ZNF536: variants seen among roughly 807,000 people sequenced by gnomAD.
ZNF536 encodes zinc finger protein 536.
A neutral mutation model predicts 84.5 loss-of-function variants in ZNF536; 13 were observed. That is an observed-to-expected ratio of 0.15 (90% CI 0.10 to 0.24). The LOEUF (loss-of-function observed/expected upper bound fraction) is 0.24, where lower values mean the gene tolerates loss of function less well. Ranked by LOEUF, ZNF536 falls within the 10% of genes least tolerant of loss-of-function variation. ZNF536 has a pLI of 1.00. For synonymous variants in ZNF536, 811 were observed against 742.5 expected, an observed-to-expected ratio of 1.09 and a Z score of -1.50; for missense variants, 1,536 against 1,747.5, an observed-to-expected ratio of 0.88 and a Z score of 2.16.
intron 1 of ZNF536, among the ~76,000 whole-genome samples, chr19:30,383,933 CCCTT>C (rs2049181488): frequency 4.4e-5 from 2 of 45,026 alleles, no homozygotes; most frequent in Non-Finnish European, 8.7e-5. Flanking sequence ...CCCTTCCCTT[CCCTT>C]CCCTCCCCTC....
At chr19:30,253,858 G>C (rs1453495817) in intron 1 of ZNF536, among the ~76,000 whole-genome samples, 1 of 152,110 alleles carries the variant, frequency 6.6e-6, no homozygotes. Flanking sequence ...AACAAGCGTC[G>C]CAAATAAAAG....
intron 2 of ZNF536, among the ~76,000 whole-genome samples, chr19:30,447,517 G>A (rs914739403): frequency 8.5e-5 from 13 of 152,158 alleles, no homozygotes; most frequent in Admixed American, 2.6e-4. Context: ...GATTTATTAC[G>A]GATGAGACAC....
chr19:30,685,011 T>A (rs924370070), intron 1 of ZNF536, among the ~76,000 whole-genome samples: 1 of 152,190 alleles, frequency 6.6e-6, no homozygotes, highest in African/African-American at 2.4e-5. Context: ...CGCAAGTGAA[T>A]TGTACTTAAT....
In ZNF536 at chr19:30,510,663, T is replaced by G. The variant is rs539079718; in HGVS notation, c.2171-24184T>G. Among the ~76,000 whole-genome samples the G allele has an allele frequency of 5.9e-5, 9 of 152,304 alleles. No homozygotes were observed. The South Asian group carries it at 1.7e-3, about 28-fold the overall frequency. On this transcript the variant is annotated intron_variant, in intron 2 of 4. Coordinates refer to ENST00000355537, the MANE Select transcript of ZNF536 (RefSeq NM_014717.3). ...TTGGCCATTGACCTCTCCTCTATGG[T>G]TGCAAGGAAGCAGACATCAGAGCTT...
chr19:30,572,299 G>A (rs1392999459), intron 1 of ZNF536, among the ~76,000 whole-genome samples: 2 of 152,202 alleles, frequency 1.3e-5, no homozygotes, highest in Non-Finnish European at 2.9e-5. Context: ...TCATGGGAGA[G>A]GGGTGTTCAT....
chr19:30,441,300 T>C (rs113362861), intron 1 of ZNF536, among the ~76,000 whole-genome samples: 77 of 152,344 alleles, frequency 5.1e-4, no homozygotes, highest in Non-Finnish European at 9.6e-4. Flanking sequence ...TGAGCAATCC[T>C]GTGTGGCTTC....
In ZNF536 at chr19:30,585,247, G is replaced by T. The variant is rs184601349; in HGVS notation, c.169+35733G>T. Among the ~76,000 whole-genome samples the T allele has an allele frequency of 1.1e-3, 175 of 152,340 alleles. 3 individuals are homozygous for T. The highest frequency in any genetic ancestry group is 0.011 in the Admixed American group (167 of 15,308). On this transcript the variant is annotated intron_variant, in intron 1 of 1. Transcript: ENST00000592773. The stretch of plus-strand genomic sequence containing the variant: ...CTTGACGTTGGTAGGAACAGAAAGT[G>T]CTTTCTGTACATGGACACTTAAAGG...
chr19:30,294,086 G>A (rs143374832), intron 2 of ZNF536, among the ~76,000 whole-genome samples: 531 of 152,194 alleles, frequency 3.5e-3, no homozygotes, highest in South Asian at 0.023. Context: ...CTACTCCGAC[G>A]GTCCCTGTCT....
intron 2 of ZNF536, among the ~76,000 whole-genome samples, chr19:30,288,463 A>G (rs992474469): frequency 2.6e-5 from 4 of 152,202 alleles, no homozygotes; most frequent in Non-Finnish European, 1.5e-5. Context: ...CATCTATTGG[A>G]AAACTTATTC....
At chr19:30,522,781 G>A (rs2044412732) in intron 2 of ZNF536, among the ~76,000 whole-genome samples, 1 of 152,060 alleles carries the variant, frequency 6.6e-6, no homozygotes. Context: ...TACTCTTGGA[G>A]GGGCTTTCAA....
chr19:30,443,837 T>G lies in ZNF536; in HGVS notation c.275T>G (p.Val92Gly). Residue 92 changes from valine (V) to glycine (G), a missense_variant, in exon 2 of 5, where the codon GTG (valine) becomes GGG (glycine). Physicochemically the swap from Val to Gly is moderately radical, Grantham distance 109 (BLOSUM62 -3). Transcript: ENST00000355537. ...CTGGCCAACCAGCTGGGCCGGGAGGTGGACACCAGCCTCAACGGGAGGGTG... is the reference window on the plus strand; with the variant it reads ...CTGGCCAACCAGCTGGGCCGGGAGGGGGACACCAGCCTCAACGGGAGGGTG... ...ALLANQLGRE[V>G]DTSLNGRVDL... 1 of 1,612,774 alleles carries G rather than the reference T, an allele frequency of 6.2e-7. No homozygotes were observed.
intron 1 of ZNF536, among the ~76,000 whole-genome samples, chr19:30,654,996 G>A (rs1479467074): frequency 1.3e-5 from 2 of 152,232 alleles, no homozygotes; most frequent in African/African-American, 4.8e-5. Context: ...CACCTGCACA[G>A]TGAACAAGTG....
chr19:30,229,244 T>A lies in ZNF536; in HGVS notation c.-190+571T>A, dbSNP rs114245444. 8.0e-3 allele frequency among the ~76,000 whole-genome samples: 1,224 copies of A among 152,276 alleles called. 16 individuals carry two copies. Among genetic ancestry groups the A allele is most frequent in the African/African-American group, 0.029 (1,187 of 41,552 alleles). ...TTCCCCCAGCATCATTTATTTCTTTTGCTTGAAGGAGAGTGCAGACCTTCT... is the reference window on the plus strand; with the variant it reads ...TTCCCCCAGCATCATTTATTTCTTTAGCTTGAAGGAGAGTGCAGACCTTCT... On this transcript the variant is annotated intron_variant, in intron 1 of 5. Coordinates refer to the ZNF536 transcript ENST00000585628.
chr19:30,399,396 C>T lies in ZNF536; in HGVS notation c.-3+26840C>T, dbSNP rs1215026472. 6.6e-5 allele frequency among the ~76,000 whole-genome samples: 10 copies of T among 152,152 alleles called. No individual in the cohort carries two copies. The South Asian group carries it at 1.9e-3, about 28-fold the overall frequency. On this transcript the variant is annotated intron_variant, in intron 1 of 4. Transcript: ENST00000355537. ...TTCACTCTGATGATAGTTTCTTTTG[C>T]TGTGCAGAAGCTCTTTAGTTTAATT...
At chr19:30,396,822 C>T (rs2147430044) in intron 1 of ZNF536, among the ~76,000 whole-genome samples, 1 of 152,282 alleles carries the variant, frequency 6.6e-6, no homozygotes, top group Non-Finnish European at 1.5e-5. Context: ...CCAGGCTCGT[C>T]TCGAACTCCT....
intron 1 of ZNF536, among the ~76,000 whole-genome samples, chr19:30,434,284 G>C (rs1359758833): frequency 6.6e-6 from 1 of 152,228 alleles, no homozygotes; most frequent in Non-Finnish European, 1.5e-5. Flanking sequence ...CTACCAGCCA[G>C]TGAGTAACAG....
chr19:30,240,903 C>T (rs983728382), intron 1 of ZNF536, among the ~76,000 whole-genome samples: 35 of 152,200 alleles, frequency 2.3e-4, no homozygotes, highest in Non-Finnish European at 4.6e-4. Flanking sequence ...TGTGGGGAAC[C>T]TGCTAGAGAG....
chr19:30,469,252 A>G (rs924214981), intron 2 of ZNF536, among the ~76,000 whole-genome samples: 2 of 152,100 alleles, frequency 1.3e-5, no homozygotes, highest in African/African-American at 4.8e-5. Context: ...ATCTCTACTA[A>G]AAGCACAAAA....
At chr19:30,432,857 A>C (rs2051538798) in intron 1 of ZNF536, among the ~76,000 whole-genome samples, 1 of 152,146 alleles carries the variant, frequency 6.6e-6, no homozygotes, top group African/African-American at 2.4e-5. Context: ...TGGCTGCCCT[A>C]GTGGAAGCTC....
Sources: allele counts gnomAD v4.1 joint callset (sites outside exome capture counted in the v4.1 genomes callset), GRCh38; gene constraint gnomAD v4.1.1; transcripts MANE v1.5; gene names NCBI Gene and HGNC (gene_info 2026-07-23, HGNC 2026-07-21).